Variants in LPCAT1 observed in about 807,000 individuals in gnomAD.
LPCAT1 encodes the protein lysophosphatidylcholine acyltransferase 1.
In LPCAT1, 23 loss-of-function variants were observed where a neutral mutation model predicts 60.9. The observed-to-expected ratio is 0.38, with a 90% confidence interval of 0.27 to 0.53. The LOEUF is 0.53. Among genes scored for constraint, LPCAT1 ranks in the 20% least tolerant of loss-of-function variants. The probability of loss-of-function intolerance (pLI) is 0.82; values close to 1 mark genes in which losing one functional copy is unlikely to be tolerated. For missense variants in LPCAT1, 622 were observed against 723.6 expected (o/e 0.86, Z 1.61); for synonymous variants, 340 against 301.1 (o/e 1.13, Z -1.34).
chr5:1,498,721 T>C (rs1365181349), intron 2 of LPCAT1, among the ~76,000 whole-genome samples: 2 of 151,880 alleles, frequency 1.3e-5, no homozygotes, highest in African/African-American at 4.8e-5. Flanking sequence ...GATACAGACA[T>C]CCATCCACAC....
In LPCAT1 at chr5:1,480,837, G is replaced by C; in HGVS notation, c.761+105C>G. The C allele has an allele frequency of 7.3e-7, 1 of 1,374,616 alleles. No homozygotes were observed. Among genetic ancestry groups the C allele is most frequent in the Non-Finnish European group, 1.0e-6 (1 of 963,224 alleles). 85.2% of individuals were successfully genotyped at this position (1,374,616 alleles called of 1,614,324 possible). ...TGAACCTAACGGCTGTCCCACACCT[G>C]CTTTCACAACTGCAAAAGTAACTAG... On this transcript the variant is annotated intron_variant, in intron 7 of 13. Coordinates refer to ENST00000283415, the MANE Select transcript of LPCAT1 (RefSeq NM_024830.5). This position sits in a 1 kb window ranked among gnomAD's most constrained non-coding sequence, Gnocchi z 6.4.
Position 1,523,841 on chromosome 5 carries a change from TCATGGCCGCGCCGTCCCG to T in LPCAT1, c.-15_3del. On this transcript the variant is annotated start_lost and 5_prime_UTR_variant, in exon 1 of 14. Coordinates refer to ENST00000283415, the MANE Select transcript of LPCAT1 (RefSeq NM_024830.5). This position sits in a 1 kb window ranked among gnomAD's most constrained non-coding sequence, Gnocchi z 7.1. ...GCCCGGGGTCCGCATCCCCGCAGCCTCATGGCCGCGCCGTCCCGCGGCGAGCGCAGCCGAGCTGCCTGG... is the reference window on the plus strand; with the variant it reads ...GCCCGGGGTCCGCATCCCCGCAGCCTCGGCGAGCGCAGCCGAGCTGCCTGG... The T allele has an allele frequency of 1.9e-6, 2 of 1,065,580 alleles. No homozygotes were observed. The highest frequency in any genetic ancestry group is 2.3e-6 in the Non-Finnish European group (2 of 882,636). The allele number at this position is 1,065,580 out of a possible 1,614,324, so 66.0% of individuals were successfully genotyped here. A position where few individuals can be genotyped will look rare whatever the true frequency, so the allele number is the denominator to read the frequency against.
Position 1,476,094 on chromosome 5 carries a change from G to A in LPCAT1, c.899+1310C>T, listed in dbSNP as rs1256816303. ...ACCCTAAAAAAAGTACAAGTTCCTCGGAGTCTGTTTGAAATGGAGGGTTCT... is the reference window on the plus strand; with the variant it reads ...ACCCTAAAAAAAGTACAAGTTCCTCAGAGTCTGTTTGAAATGGAGGGTTCT... On this transcript the variant is annotated intron_variant, in intron 9 of 13. Transcript: ENST00000283415. The surrounding 1 kb of genome is among the most constrained non-coding windows in gnomAD (Gnocchi z 8.6). Among the ~76,000 whole-genome samples, 1 of 152,234 alleles carries A rather than the reference G, an allele frequency of 6.6e-6. No homozygotes were observed. Among genetic ancestry groups the A allele is most frequent in the African/African-American group, 2.4e-5 (1 of 41,458 alleles).
intron 5 of LPCAT1, among the ~76,000 whole-genome samples, chr5:1,486,898 A>C (rs1246537944): frequency 6.6e-6 from 1 of 152,154 alleles, no homozygotes; most frequent in Non-Finnish European, 1.5e-5. Context: ...CGTGGAACCC[A>C]CCTGGGGCAC....
intron 2 of LPCAT1, among the ~76,000 whole-genome samples, chr5:1,498,531 G>GCA (rs994434411): frequency 1.5e-3 from 231 of 150,946 alleles, no homozygotes; most frequent in African/African-American, 5.3e-3. Context: ...ATACTCACAT[G>GCA]CACACACACA....
intron 12 of LPCAT1, among the ~76,000 whole-genome samples, chr5:1,470,071 C>T (rs1035396722): frequency 3.3e-5 from 5 of 152,234 alleles, no homozygotes; most frequent in Admixed American, 6.5e-5. Flanking sequence ...GTTCTTGGAG[C>T]GGTGAGAGAC....
chr5:1,468,691 AAG>A (rs1372313490), intron 12 of LPCAT1, among the ~76,000 whole-genome samples: 1 of 152,238 alleles, frequency 6.6e-6, no homozygotes, highest in East Asian at 1.9e-4. Context: ...GATAACGAAA[AAG>A]AACAAAAACA....
rs1248172853 is a variant in LPCAT1, at chr5:1,521,383, C to T, written c.135+2327G>A. On this transcript the variant is annotated intron_variant, in intron 1 of 13. Coordinates refer to ENST00000283415, the MANE Select transcript of LPCAT1 (RefSeq NM_024830.5). The surrounding 1 kb of genome is among the most constrained non-coding windows in gnomAD (Gnocchi z 4.3). ...AACTGGGAACTTAGCTGGGTTTCTG[C>T]GGGTTCTTGAGTGTGTCAGCCACTA... 9 of 985,294 alleles carry T rather than the reference C, an allele frequency of 9.1e-6. No individual in the cohort carries two copies. Among genetic ancestry groups the T allele is most frequent in the South Asian group, 4.7e-5 (1 of 21,286 alleles). The allele number at this position is 985,294 out of a possible 1,614,324, so 61.0% of individuals were successfully genotyped here. A position where few individuals can be genotyped will look rare whatever the true frequency, so the allele number is the denominator to read the frequency against.
intron 9 of LPCAT1, among the ~76,000 whole-genome samples, chr5:1,475,649 G>C (rs1220049415): frequency 2.0e-5 from 3 of 152,194 alleles, no homozygotes; most frequent in African/African-American, 7.2e-5. Context: ...TTCCAACACT[G>C]CCTCCTAGGA....
chr5:1,489,964 C>A (rs1389197213), intron 3 of LPCAT1, 106 bp from the exon 4 acceptor site: 2 of 794,208 alleles, frequency 2.5e-6, no homozygotes, highest in Non-Finnish European at 4.4e-6. Flanking sequence ...GCGGGAGACT[C>A]CAGATGCCCC....
rs147869796 is a variant in LPCAT1 at position 1,498,550 on chromosome 5, T to A, written c.278+2911A>T. 9.7e-3 allele frequency among the ~76,000 whole-genome samples: 1,482 copies of A among 152,208 alleles called. 103 individuals carry two copies. Among genetic ancestry groups the A allele is most frequent in the Admixed American group, 0.091 (1,391 of 15,292 alleles). On this transcript the variant is annotated intron_variant, in intron 2 of 13. Coordinates refer to ENST00000283415, the MANE Select transcript of LPCAT1 (RefSeq NM_024830.5). ...TCACATGCACACACACACTCATACA[T>A]ATGTACACACATATACTCTCATACA...
rs1335787270 is a variant in LPCAT1, at chr5:1,522,906, T to G, written c.135+804A>C. Among the ~76,000 whole-genome samples the G allele has an allele frequency of 3.3e-5, 5 of 152,144 alleles. No individual in the cohort carries two copies. ...CCAGCACATCCCCGGTGCAGCTTCC[T>G]GCAGCGAGCGGCCCCCTCCCCACGA... On this transcript the variant is annotated intron_variant, in intron 1 of 13. Transcript: ENST00000283415. The surrounding 1 kb of genome is among the most constrained non-coding windows in gnomAD (Gnocchi z 6.8).
chr5:1,471,640 GT>G (rs2126491960), intron 11 of LPCAT1, among the ~76,000 whole-genome samples: 1 of 151,672 alleles, frequency 6.6e-6, no homozygotes, highest in East Asian at 2.0e-4. Flanking sequence ...GCAACCAGGA[GT>G]GGAGGGAGGA....
chr5:1,476,937 T>C lies in LPCAT1; in HGVS notation c.899+467A>G, dbSNP rs1041422639. ...AGGACATTCCCTCTTCCTAACTGCATGCACGACAACTGTGTAAGCAGCACA... is the reference window on the plus strand; with the variant it reads ...AGGACATTCCCTCTTCCTAACTGCACGCACGACAACTGTGTAAGCAGCACA... On this transcript the variant is annotated intron_variant, in intron 9 of 13. Transcript: ENST00000283415. This position sits in a 1 kb window ranked among gnomAD's most constrained non-coding sequence, Gnocchi z 8.6. 3.3e-5 allele frequency among the ~76,000 whole-genome samples: 5 copies of C among 152,204 alleles called. No homozygotes were observed. Among genetic ancestry groups the C allele is most frequent in the African/African-American group, 7.2e-5 (3 of 41,434 alleles).
intron 1 of LPCAT1, among the ~76,000 whole-genome samples, chr5:1,519,727 G>A (rs1361672910): frequency 6.6e-6 from 1 of 152,236 alleles, no homozygotes; most frequent in African/African-American, 2.4e-5. Flanking sequence ...ATGACGCTTG[G>A]GCCTCTACTG....
intron 11 of LPCAT1, among the ~76,000 whole-genome samples, chr5:1,472,683 T>G (rs188194203): frequency 2.0e-5 from 3 of 152,078 alleles, no homozygotes; most frequent in Non-Finnish European, 4.4e-5. Flanking sequence ...ATTCCAACAC[T>G]GTGGTAAAGC....
chr5:1,508,989 C>T (rs981849759), intron 1 of LPCAT1, among the ~76,000 whole-genome samples: 19 of 152,396 alleles, frequency 1.2e-4, no homozygotes, highest in African/African-American at 3.6e-4. Flanking sequence ...CTCACGCCAT[C>T]GCGGTGCCCG....
At chr5:1,464,838 A>G (rs1734274553) in intron 13 of LPCAT1, among the ~76,000 whole-genome samples, 2 of 150,662 alleles carry the variant, frequency 1.3e-5, no homozygotes, top group Admixed American at 6.6e-5. Context: ...ATGCACGTAC[A>G]CACAAGTGTG....
chr5:1,479,739 C>A, intron 7 of LPCAT1, 64 bp from the exon 8 acceptor site: 1 of 1,288,562 alleles, frequency 7.8e-7, no homozygotes, highest in South Asian at 1.2e-5. Context: ...AAATTACTCC[C>A]AATTCTGGGG....
Sources: gnomAD v4.1 joint callset for allele counts (sites outside exome capture counted in the v4.1 genomes callset) on GRCh38, gnomAD v4.1.1 for gene constraint, Gnocchi (gnomAD v3.1) non-coding constraint, MANE v1.5 for transcripts, NCBI Gene and HGNC (gene_info 2026-07-23, HGNC 2026-07-21) for gene names.